KCNIP4: variants seen among roughly 807,000 people sequenced by gnomAD.
KCNIP4 encodes the protein Kv channel-interacting protein 4.
A neutral mutation model predicts 34.0 loss-of-function variants in KCNIP4; 12 were observed. The ratio of observed to expected loss-of-function variants is 0.35; its 90% CI spans 0.23 to 0.57. The LOEUF (loss-of-function observed/expected upper bound fraction) is 0.57, where lower values mean the gene tolerates loss of function less well. Among genes scored for constraint, KCNIP4 ranks in the 20% least tolerant of loss-of-function variants. KCNIP4 has a pLI of 0.83. For synonymous variants in KCNIP4, 124 were observed against 102.2 expected, an observed-to-expected ratio of 1.21 and a Z score of -1.29; for missense variants, 238 against 311.7, an observed-to-expected ratio of 0.76 and a Z score of 1.78.
intron 1 of KCNIP4, among the ~76,000 whole-genome samples, chr4:21,598,772 G>A (rs934112033): frequency 2.0e-5 from 3 of 151,968 alleles, no homozygotes; most frequent in South Asian, 4.1e-4. Flanking sequence ...TGGTTCTTTT[G>A]CATTCATGCA....
chr4:20,997,588 G>A (rs989106937), intron 1 of KCNIP4, among the ~76,000 whole-genome samples: 7 of 152,182 alleles, frequency 4.6e-5, no homozygotes, highest in African/African-American at 7.2e-5. Flanking sequence ...GAAAGAGGAC[G>A]CTGTGAATGA....
chr4:21,811,124 G>GCTA (rs1721625961), intron 1 of KCNIP4, among the ~76,000 whole-genome samples: 1 of 152,080 alleles, frequency 6.6e-6, no homozygotes, highest in African/African-American at 2.4e-5. Flanking sequence ...AAAACACATG[G>GCTA]CAAAAGTAAC....
intron 1 of KCNIP4, among the ~76,000 whole-genome samples, chr4:21,486,094 A>G (rs2109847475): frequency 6.6e-6 from 1 of 152,326 alleles, no homozygotes; most frequent in East Asian, 1.9e-4. Context: ...ATCTCAGGAC[A>G]GCTTCCTGGA....
At chr4:21,504,701 A>G (rs936319633) in intron 1 of KCNIP4, among the ~76,000 whole-genome samples, 2 of 152,078 alleles carry the variant, frequency 1.3e-5, no homozygotes, top group Non-Finnish European at 2.9e-5. Flanking sequence ...TTAGAATACA[A>G]TGATTTGGGG....
chr4:21,634,262 C>T (rs1195167610), intron 1 of KCNIP4, among the ~76,000 whole-genome samples: 7 of 142,422 alleles, frequency 4.9e-5, no homozygotes, highest in Admixed American at 2.1e-4. Flanking sequence ...TACATACATA[C>T]TTTTATGCCT....
chr4:21,471,816 C>T (rs1056469314), intron 1 of KCNIP4, among the ~76,000 whole-genome samples: 1 of 152,104 alleles, frequency 6.6e-6, no homozygotes, highest in Non-Finnish European at 1.5e-5. Flanking sequence ...AATGAGAGGA[C>T]CTATGGTATC....
intron 1 of KCNIP4, among the ~76,000 whole-genome samples, chr4:21,550,096 A>G (rs1346619016): frequency 6.6e-6 from 1 of 152,096 alleles, no homozygotes; most frequent in East Asian, 1.9e-4. Flanking sequence ...ACCCCCTTAG[A>G]TTTGTCTGCT....
intron 1 of KCNIP4, among the ~76,000 whole-genome samples, chr4:21,548,913 C>A (rs1290890766): frequency 6.6e-6 from 1 of 151,936 alleles, no homozygotes; most frequent in African/African-American, 2.4e-5. Flanking sequence ...TCAATTGCCA[C>A]ACTACTGATA....
At chr4:21,138,500 C>T (rs1751685738) in intron 1 of KCNIP4, among the ~76,000 whole-genome samples, 1 of 150,792 alleles carries the variant, frequency 6.6e-6, no homozygotes, top group Non-Finnish European at 1.5e-5. Context: ...AGTTCTTGCA[C>T]AAAGGTAAGG....
intron 1 of KCNIP4, among the ~76,000 whole-genome samples, chr4:20,971,577 T>A (rs139528240): frequency 0.016 from 2,387 of 152,332 alleles, 37 homozygotes; most frequent in Middle Eastern, 0.037. Context: ...GTGCAAACTG[T>A]AATTTAAAAA....
intron 1 of KCNIP4, among the ~76,000 whole-genome samples, chr4:20,892,491 G>T (rs551977919): frequency 1.6e-4 from 25 of 152,048 alleles, no homozygotes; most frequent in African/African-American, 6.0e-4. Flanking sequence ...CTGGCTCAAT[G>T]TCTCTCTCTG....
At chr4:21,374,672 G>T (rs1215227169) in intron 1 of KCNIP4, among the ~76,000 whole-genome samples, 2 of 147,528 alleles carry the variant, frequency 1.4e-5, no homozygotes, top group African/African-American at 2.7e-5. Flanking sequence ...ATCAATGGTT[G>T]GTCTTTTCAT....
intron 1 of KCNIP4, among the ~76,000 whole-genome samples, chr4:21,490,402 C>T (rs539328584): frequency 6.6e-6 from 1 of 152,132 alleles, no homozygotes; most frequent in South Asian, 2.1e-4. Context: ...TCTCACAACC[C>T]CATTGCATCC....
chr4:21,216,620 C>T (rs760798209), intron 1 of KCNIP4, among the ~76,000 whole-genome samples: 10 of 152,146 alleles, frequency 6.6e-5, no homozygotes, highest in Non-Finnish European at 1.2e-4. Context: ...CAATGTCACA[C>T]AGCTGAGAAG....
intron 1 of KCNIP4, among the ~76,000 whole-genome samples, chr4:21,495,353 A>C (rs1377843119): frequency 6.6e-6 from 1 of 152,024 alleles, no homozygotes; most frequent in African/African-American, 2.4e-5. Flanking sequence ...TTCCTGGACC[A>C]CCCCACTTTG....
chr4:21,428,323 C>G (rs1280615840), intron 1 of KCNIP4, among the ~76,000 whole-genome samples: 1 of 152,204 alleles, frequency 6.6e-6, no homozygotes, highest in African/African-American at 2.4e-5. Context: ...TTGCCAGTAA[C>G]ACAATTGTCC....
chr4:21,845,852 T>C (rs1288796107), intron 1 of KCNIP4: 1 of 152,106 alleles, frequency 6.6e-6, no homozygotes, highest in Non-Finnish European at 1.5e-5. Flanking sequence ...GGCTAAATGT[T>C]CTGACTCACA....
At chr4:21,460,645 TG>T (rs1036401535) in intron 1 of KCNIP4, among the ~76,000 whole-genome samples, 1 of 152,122 alleles carries the variant, frequency 6.6e-6, no homozygotes, top group African/African-American at 2.4e-5. Flanking sequence ...AATCCCATTA[TG>T]GGAGTCCCAA....
chr4:21,000,914 T>A (rs1413589605), intron 1 of KCNIP4, among the ~76,000 whole-genome samples: 2 of 152,210 alleles, frequency 1.3e-5, no homozygotes, highest in East Asian at 3.9e-4. Flanking sequence ...TCAAATTACA[T>A]GCTTCCACTC....
Sources: gnomAD v4.1 joint callset for allele counts (sites outside exome capture counted in the v4.1 genomes callset) on GRCh38, gnomAD v4.1.1 for gene constraint, MANE v1.5 for transcripts, NCBI Gene and HGNC (gene_info 2026-07-23, HGNC 2026-07-21) for gene names.